The following SNTG2 variants were observed in gnomAD, a reference collection of about 807,000 sequenced individuals.
The protein encoded by SNTG2 is gamma-2-syntrophin.
A neutral mutation model predicts 70.9 loss-of-function variants in SNTG2; 74 were observed. The observed-to-expected ratio is 1.04, with a 90% CI of 0.86 to 1.27. The LOEUF (loss-of-function observed/expected upper bound fraction) is 1.27. SNTG2 is among the 50% of genes most tolerant of loss of function. The pLI is 0.00. For synonymous variants in SNTG2, 278 were observed against 273.8 expected, an observed-to-expected ratio of 1.02 and a Z score of -0.15; for missense variants, 717 against 690.7, an observed-to-expected ratio of 1.04 and a Z score of -0.43.
At chr2:962,349 G>T (rs984138350) in intron 1 of SNTG2, among the ~76,000 whole-genome samples, 4 of 152,280 alleles carry the variant, frequency 2.6e-5, no homozygotes, top group Non-Finnish European at 5.9e-5. Context: ...TGAGATTGTA[G>T]GTGTGAGCCA....
At chr2:1,193,582 A>G (rs1478293342) in intron 8 of SNTG2, among the ~76,000 whole-genome samples, 3 of 151,446 alleles carry the variant, frequency 2.0e-5, no homozygotes, top group African/African-American at 4.9e-5. Flanking sequence ...ATTGCAGAAT[A>G]TATCTCCCCT....
At chr2:1,355,770 A>T (rs1345286254) in intron 16 of SNTG2, among the ~76,000 whole-genome samples, 1 of 152,150 alleles carries the variant, frequency 6.6e-6, no homozygotes, top group African/African-American at 2.4e-5. Context: ...CATACTATTC[A>T]TAGTAGCTGC....
intron 14 of SNTG2, among the ~76,000 whole-genome samples, chr2:1,285,769 A>G (rs1679738534): frequency 6.7e-6 from 1 of 148,162 alleles, no homozygotes; most frequent in Non-Finnish European, 1.5e-5. Flanking sequence ...GCCTTCAGCA[A>G]GCACCTCAGC....
intron 11 of SNTG2, among the ~76,000 whole-genome samples, chr2:1,240,994 C>CTCT (rs552841024): frequency 5.8e-4 from 89 of 152,306 alleles, no homozygotes; most frequent in African/African-American, 2.1e-3. Flanking sequence ...GTACATATCT[C>CTCT]TCTATGGTTC....
intron 14 of SNTG2, among the ~76,000 whole-genome samples, chr2:1,303,721 A>AC (rs1311936474): frequency 6.6e-6 from 1 of 152,202 alleles, no homozygotes; most frequent in African/African-American, 2.4e-5. Context: ...AGAAAGACTC[A>AC]CAAAAAAAAG....
intron 14 of SNTG2, among the ~76,000 whole-genome samples, chr2:1,294,732 C>T (rs1313833078): frequency 6.6e-6 from 1 of 151,874 alleles, no homozygotes; most frequent in African/African-American, 2.4e-5. Flanking sequence ...CAGATATTAA[C>T]ATATGATGAG....
intron 1 of SNTG2, among the ~76,000 whole-genome samples, chr2:963,016 C>T (rs1389067202): frequency 6.6e-6 from 1 of 152,042 alleles, no homozygotes; most frequent in African/African-American, 2.4e-5. Flanking sequence ...TTTCTCATAC[C>T]ACTCCTGTAG....
chr2:1,227,442 C>T (rs1272794576), intron 9 of SNTG2, among the ~76,000 whole-genome samples: 8 of 152,354 alleles, frequency 5.3e-5, no homozygotes, highest in Admixed American at 3.3e-4. Flanking sequence ...GGTGGGTGTT[C>T]GCTCCGGAAG....
chr2:1,076,982 A>G (rs1261160278), intron 1 of SNTG2, among the ~76,000 whole-genome samples: 11 of 152,126 alleles, frequency 7.2e-5, no homozygotes. Flanking sequence ...CGTAATTCTT[A>G]ATATATTAGT....
At chr2:968,108 A>G (rs1429125166) in intron 1 of SNTG2, among the ~76,000 whole-genome samples, 2 of 151,638 alleles carry the variant, frequency 1.3e-5, no homozygotes, top group Non-Finnish European at 2.9e-5. Flanking sequence ...AAATTCATGC[A>G]GAATGCATTT....
chr2:1,083,477 C>T, intron 1 of SNTG2, 41 bp from the exon 2 acceptor site: 1 of 1,611,030 alleles, frequency 6.2e-7, no homozygotes, highest in Non-Finnish European at 8.5e-7. Flanking sequence ...CTGGCTCCTG[C>T]CCTCACACCA....
intron 1 of SNTG2, among the ~76,000 whole-genome samples, chr2:1,010,899 G>A (rs1461422176): frequency 1.3e-5 from 2 of 152,340 alleles, no homozygotes; most frequent in East Asian, 3.9e-4. Flanking sequence ...GTAGGCCCTA[G>A]AGTCTTCCGA....
At chr2:1,201,658 T>C (rs928725539) in intron 8 of SNTG2, among the ~76,000 whole-genome samples, 4 of 151,884 alleles carry the variant, frequency 2.6e-5, no homozygotes, top group African/African-American at 9.7e-5. Flanking sequence ...ATGTTTGAGG[T>C]GATGGATTTT....
intron 1 of SNTG2, among the ~76,000 whole-genome samples, chr2:980,471 A>G (rs1661059943): frequency 6.6e-6 from 1 of 152,186 alleles, no homozygotes; most frequent in Non-Finnish European, 1.5e-5. Context: ...ACAGAAAACA[A>G]TACATTTTGG....
At chr2:961,243 G>A (rs1243631232) in intron 1 of SNTG2, among the ~76,000 whole-genome samples, 1 of 152,156 alleles carries the variant, frequency 6.6e-6, no homozygotes, top group Non-Finnish European at 1.5e-5. Context: ...GTCTTGCTCT[G>A]TTACCCAGGC....
intron 16 of SNTG2, among the ~76,000 whole-genome samples, chr2:1,340,295 T>G (rs902169679): frequency 6.6e-6 from 1 of 152,208 alleles, no homozygotes; most frequent in African/African-American, 2.4e-5. Context: ...GAGGAGTCTA[T>G]GCAGACAGAG....
Position 1,255,853 on chromosome 2 carries a change from AATATATATAAATATATAT to A in SNTG2, c.1006-3515_1006-3498del, listed in dbSNP as rs1558602437. ...ATATAAATATATATAAATATATATA[AATATATATAAATATATAT>A]AAATATATATATAAATATATATAAA... On this transcript the variant is annotated intron_variant, in intron 12 of 16. Coordinates refer to ENST00000308624, the MANE Select transcript of SNTG2 (RefSeq NM_018968.4). Among the ~76,000 whole-genome samples, 8 of 39,568 alleles carry A rather than the reference AATATATATAAATATATAT, an allele frequency of 2.0e-4. No individual in the cohort carries two copies. The East Asian group carries it at 3.5e-3, about 17-fold the overall frequency. 26.0% of individuals were successfully genotyped at this position (39,568 alleles called of 152,430 possible).
At chr2:1,229,671 C>G (rs1045633218) in intron 9 of SNTG2, among the ~76,000 whole-genome samples, 1 of 152,042 alleles carries the variant, frequency 6.6e-6, no homozygotes, top group Non-Finnish European at 1.5e-5. Context: ...TGGGGAGGCT[C>G]GGGCCGCACA....
intron 1 of SNTG2, among the ~76,000 whole-genome samples, chr2:956,091 C>T (rs1478341520): frequency 5.7e-5 from 8 of 139,316 alleles, no homozygotes; most frequent in South Asian, 2.4e-4. Context: ...CCAAATGCTC[C>T]GCACCTGCCC....
Sources: gnomAD v4.1 joint callset for allele counts (sites outside exome capture counted in the v4.1 genomes callset) on GRCh38, gnomAD v4.1.1 for gene constraint, MANE v1.5 for transcripts, NCBI Gene and HGNC (gene_info 2026-07-23, HGNC 2026-07-21) for gene names.